The following ERGIC3 variants were observed in gnomAD, a reference collection of about 807,000 sequenced individuals.
ERGIC3 encodes ERGIC and golgi 3.
Under a neutral mutation model 54.7 loss-of-function variants are expected in ERGIC3, and 33 were observed. The ratio of observed to expected loss-of-function variants is 0.60; its 90% CI spans 0.46 to 0.81. ERGIC3 has a LOEUF of 0.81. ERGIC3 is among the 30% of genes least tolerant of loss of function. The pLI is 0.00. For synonymous variants in ERGIC3, 186 were observed against 189.8 expected, an observed-to-expected ratio of 0.98 and a Z score of 0.16; for missense variants, 399 against 488.4, an observed-to-expected ratio of 0.82 and a Z score of 1.73.
At chr20:35,556,564 G>C (rs1425028671) in intron 10 of ERGIC3, 2 of 514,394 alleles carry the variant, frequency 3.9e-6, no homozygotes. Context: ...CTGGGGGTTA[G>C]GCAAGGCAAG....
At position 35,542,620 on chromosome 20, in the gene ERGIC3, T is replaced by C. The variant is rs2064621662; in HGVS notation, c.247+20T>C. 6.2e-7 allele frequency: 1 copy of C among 1,613,502 alleles called. No homozygotes were observed. The highest frequency in any genetic ancestry group is 8.5e-7 in the Non-Finnish European group (1 of 1,179,734). On this transcript the variant is annotated intron_variant, in intron 3 of 12. Transcript: ENST00000348547. ...GTGCCTGTGAGTACCTCACCATGGG[T>C]GGGACTGGAGAGACCCAGGGTTCTC...
intron 10 of ERGIC3, 85 bp downstream of exon 10, chr20:35,556,356 T>C (rs2064712218): frequency 2.8e-6 from 4 of 1,423,086 alleles, no homozygotes; most frequent in Middle Eastern, 3.5e-4. Flanking sequence ...GCCTGGGGAG[T>C]GAAAGCTGCC....
intron 7 of ERGIC3, among the ~76,000 whole-genome samples, chr20:35,549,943 C>A (rs2064672881): frequency 6.6e-6 from 1 of 151,878 alleles, no homozygotes; most frequent in Non-Finnish European, 1.5e-5. Context: ...GGCCGACTTA[C>A]AATATTTTCA....
intron 11 of ERGIC3, 38 bp downstream of exon 11, chr20:35,557,147 C>A (rs796259783): frequency 6.2e-7 from 1 of 1,614,172 alleles, no homozygotes. Context: ...GGGGCCTGGG[C>A]CTGAGGGAGG....
intron 8 of ERGIC3, 41 bp downstream of exon 8, chr20:35,555,116 G>C: frequency 3.1e-6 from 5 of 1,608,738 alleles, no homozygotes; most frequent in Non-Finnish European, 4.3e-6. Context: ...GGTGGGGGTG[G>C]GAGGCTTGGT....
chr20:35,557,050 CG>C lies in ERGIC3; in HGVS notation c.959del (p.Gly320GlufsTer11), dbSNP rs1407537083. On this transcript the variant is annotated frameshift_variant, in exon 11 of 13. Coordinates refer to ENST00000348547, the MANE Select transcript of ERGIC3 (RefSeq NM_015966.3). LOFTEE classifies it high-confidence loss of function. Reference sequence around the variant, plus strand: ...GGCTGTTGGGCGACCAAGGCCTTCCCGGAGTCTTCGTCCTCTATGAGCTCTC... The same window carrying C: ...GGCTGTTGGGCGACCAAGGCCTTCCCGAGTCTTCGTCCTCTATGAGCTCTC... Reference protein sequence around the residue: ...NGLLGDQGLPGVFVLYELSPM... With the variant: ...NGLLGDQGLPXVFVLYELSPM... 6.2e-7 allele frequency: 1 copy of C among 1,614,146 alleles called. No individual in the cohort carries two copies. The highest frequency in any genetic ancestry group is 1.3e-5 in the African/African-American group (1 of 74,956).
rs757574043 is a variant in ERGIC3, at chr20:35,542,390, G to T, written c.156G>T (p.Thr52=). The T allele has an allele frequency of 2.5e-6, 4 of 1,613,846 alleles. No individual in the cohort carries two copies. The highest frequency in any genetic ancestry group is 3.4e-6 in the Non-Finnish European group (4 of 1,179,956). The stretch of plus-strand genomic sequence containing the variant: ...CCGAGCTGCAGTATTACCTCACCAC[G>T]GAGGTAAGGGGCGGGGCTTAGTGCG... ...FLSELQYYLT[T]EVHPELYVDK... The change falls in exon 2 of 13, where the codon ACG becomes ACT. Residue 52 remains threonine (T), a synonymous_variant. Coordinates refer to ENST00000348547, the MANE Select transcript of ERGIC3 (RefSeq NM_015966.3).
intron 8 of ERGIC3, 142 bp downstream of exon 8, chr20:35,555,217 G>T: frequency 9.8e-7 from 1 of 1,024,746 alleles, no homozygotes; most frequent in South Asian, 1.4e-5. Flanking sequence ...CCAGCCTGAG[G>T]GTTAAGCGAG....
Position 35,556,022 on chromosome 20 carries a change from G to T in ERGIC3, c.718-11G>T. 1 of 1,613,586 alleles carries T rather than the reference G, an allele frequency of 6.2e-7. No homozygotes were observed. The highest frequency in any genetic ancestry group is 8.5e-7 in the Non-Finnish European group (1 of 1,179,622). ...GAGCTTTGGATGAGCTCTGGATGGT[G>T]TTGTTTACAGATCAACATGACCCAC... On this transcript the variant is annotated splice_polypyrimidine_tract_variant and intron_variant, in intron 8 of 12. Transcript: ENST00000348547.
intron 4 of ERGIC3, chr20:35,544,013 A>ACTATAT (rs1555865285): frequency 1.7e-4 from 32 of 187,878 alleles, no homozygotes; most frequent in Non-Finnish European, 2.6e-4. Context: ...TGAAGAATCT[A>ACTATAT]CTATCTATCT....
At position 35,553,020 on chromosome 20, in the gene ERGIC3, A is replaced by ATTTTT. The variant is rs141438822; in HGVS notation, c.686-2000_686-1996dup. On this transcript the variant is annotated intron_variant, in intron 7 of 12. Coordinates refer to ENST00000348547, the MANE Select transcript of ERGIC3 (RefSeq NM_015966.3). ...TTTGCCCTGAGCTTCAAAGCTGGGG[A>ATTTTT]TTTTTTTTTTTTTTTTTTTTTTTTT... 1.5e-3 allele frequency among the ~76,000 whole-genome samples: 61 copies of ATTTTT among 41,556 alleles called. 15 individuals are homozygous for ATTTTT. The highest frequency in any genetic ancestry group is 2.7e-3 in the African/African-American group (33 of 12,086). 27.3% of individuals were successfully genotyped at this position (41,556 alleles called of 152,430 possible).
chr20:35,553,842 C>CTGTTAGACTTG (rs370074549), intron 7 of ERGIC3, among the ~76,000 whole-genome samples: 15 of 152,190 alleles, frequency 9.9e-5, no homozygotes, highest in African/African-American at 3.6e-4. Context: ...GCCTCTTGGC[C>CTGTTAGACTTG]TGGGACTGTT....
At position 35,556,342 on chromosome 20, in the gene ERGIC3, G is replaced by A. The variant is rs565421535; in HGVS notation, c.879+71G>A. 1.7e-5 allele frequency: 26 copies of A among 1,528,682 alleles called. No individual in the cohort carries two copies. The Admixed American group carries it at 2.5e-4, about 15-fold the overall frequency. The allele number at this position is 1,528,682 out of a possible 1,614,324, so 94.7% of individuals were successfully genotyped here. A position where few individuals can be genotyped will look rare whatever the true frequency, so the allele number is the denominator to read the frequency against. On this transcript the variant is annotated intron_variant, in intron 10 of 12. Coordinates refer to ENST00000348547, the MANE Select transcript of ERGIC3 (RefSeq NM_015966.3). ...CACTGGAGTTCCTGCATTTCGTTCC[G>A]TCAGCCTGGGGAGTGAAAGCTGCCT...
At chr20:35,547,633 C>T (rs567406642) in intron 5 of ERGIC3, 128 bp downstream of exon 5, 15 of 759,648 alleles carry the variant, frequency 2.0e-5, no homozygotes, top group African/African-American at 1.2e-4. Context: ...GTATGTGCCT[C>T]TGTCATTGAT....
At chr20:35,543,497 C>G in intron 4 of ERGIC3, 1 of 422,172 alleles carries the variant, frequency 2.4e-6, no homozygotes, top group Non-Finnish European at 4.9e-6. Flanking sequence ...ATGCCTGGTA[C>G]AGAGTGGGTA....
At chr20:35,544,033 TC>T (rs2064632951) in intron 4 of ERGIC3, 24 of 216,990 alleles carry the variant, frequency 1.1e-4, no homozygotes, top group Middle Eastern at 3.4e-3. Flanking sequence ...TATCTATCTA[TC>T]TATCTATCTA....
At chr20:35,556,338 T>C in intron 10 of ERGIC3, 67 bp downstream of exon 10, 1 of 1,550,126 alleles carries the variant, frequency 6.5e-7, no homozygotes, top group Non-Finnish European at 8.9e-7. Context: ...CTGCATTTCG[T>C]TCCGTCAGCC....
At chr20:35,548,747 C>A in intron 6 of ERGIC3, 61 bp from the exon 7 acceptor site, 1 of 1,613,278 alleles carries the variant, frequency 6.2e-7, no homozygotes, top group South Asian at 1.1e-5. Context: ...AGGGCCCAGT[C>A]AGGCCCTGAG....
In ERGIC3 at chr20:35,556,281, G is replaced by A; in HGVS notation, c.879+10G>A. Reference sequence around the variant, plus strand: ...GAAGGTGGACGGAGAGGTGAGTCAGGGAGCTCCCTACCAGAGTCTCCTGCG... The same window carrying A: ...GAAGGTGGACGGAGAGGTGAGTCAGAGAGCTCCCTACCAGAGTCTCCTGCG... On this transcript the variant is annotated intron_variant, in intron 10 of 12. Transcript: ENST00000348547. The A allele has an allele frequency of 6.2e-7, 1 of 1,614,018 alleles. No individual in the cohort carries two copies. Among genetic ancestry groups the A allele is most frequent in the Non-Finnish European group, 8.5e-7 (1 of 1,179,978 alleles).
Sources: allele counts gnomAD v4.1 joint callset (sites outside exome capture counted in the v4.1 genomes callset), GRCh38; gene constraint gnomAD v4.1.1; transcripts MANE v1.5; gene names NCBI Gene and HGNC (gene_info 2026-07-23, HGNC 2026-07-21).